TPM4: variants seen among roughly 807,000 people sequenced by gnomAD.
TPM4 encodes tropomyosin 4.
A neutral mutation model predicts 35.8 loss-of-function variants in TPM4; 17 were observed. That is an observed-to-expected ratio of 0.47 (90% confidence interval 0.32 to 0.71). The LOEUF is 0.71. TPM4 is among the 30% of genes least tolerant of loss of function. TPM4 has a pLI of 0.03. For missense variants in TPM4, 240 were observed against 320.9 expected, an observed-to-expected ratio of 0.75 and a Z score of 1.93; for synonymous variants, 120 against 122.9, an observed-to-expected ratio of 0.98 and a Z score of 0.15.
chr19:16,084,613 T>C (rs2144935934), intron 2 of TPM4, among the ~76,000 whole-genome samples: 1 of 152,350 alleles, frequency 6.6e-6, no homozygotes, highest in Middle Eastern at 3.4e-3. Flanking sequence ...TAAAGACTGC[T>C]GTGTCTCAGT....
chr19:16,077,571 A>C lies in TPM4; in HGVS notation c.132+874A>C, dbSNP rs560544313. Among the ~76,000 whole-genome samples, 47 of 152,288 alleles carry C rather than the reference A, an allele frequency of 3.1e-4. No homozygotes were observed. In the South Asian group the frequency reaches 3.7e-3, roughly 12 times the overall value. The stretch of plus-strand genomic sequence containing the variant: ...GGTGGCACCGCCAGGGTCTGGGGAC[A>C]GATTTGGATTCTGGTCCCATATCAT... On this transcript the variant is annotated intron_variant, in intron 1 of 7. Coordinates refer to ENST00000643579, the MANE Select transcript of TPM4 (RefSeq NM_003290.3).
intron 2 of TPM4, among the ~76,000 whole-genome samples, chr19:16,069,420 GGTGT>G (rs1391412534): frequency 6.0e-4 from 1 of 1,668 alleles, no homozygotes; most frequent in Non-Finnish European, 1.4e-3. Context: ...TGTTTCTGTT[GGTGT>G]GTATGTGTGT....
chr19:16,088,379 C>T, intron 4 of TPM4: 1 of 1,273,162 alleles, frequency 7.9e-7, no homozygotes, highest in Non-Finnish European at 1.0e-6. Context: ...TCCCATTTTC[C>T]CAGAGAGGAT....
chr19:16,079,556 G>A (rs2144924956), intron 1 of TPM4, among the ~76,000 whole-genome samples: 1 of 152,322 alleles, frequency 6.6e-6, no homozygotes, highest in African/African-American at 2.4e-5. Context: ...CGAAACACCT[G>A]TGGGAGTGCC....
At position 16,081,896 on chromosome 19, in the gene TPM4, A is replaced by G. The variant is rs1289220184; in HGVS notation, c.133-17A>G. The G allele has an allele frequency of 2.5e-6, 4 of 1,574,982 alleles. No homozygotes were observed. The East Asian group carries it at 9.1e-5, about 36-fold the overall frequency. ...GCCTGATACTTCTTAACATGGCTGC[A>G]CCTCCGACCTCCCCAGGCTGAAGGT... On this transcript the variant is annotated splice_polypyrimidine_tract_variant and intron_variant, in intron 1 of 7. Transcript: ENST00000643579.
chr19:16,076,804 CT>C, intron 1 of TPM4, 107 bp downstream of exon 1: 1 of 1,265,570 alleles, frequency 7.9e-7, no homozygotes, highest in South Asian at 2.5e-5. Flanking sequence ...CTCGGGCCGC[CT>C]TTTTACGCCC....
chr19:16,071,106 T>C (rs2144908741), intron 2 of TPM4, among the ~76,000 whole-genome samples: 1 of 152,090 alleles, frequency 6.6e-6, no homozygotes, highest in South Asian at 2.1e-4. Flanking sequence ...CCCACTGGAG[T>C]AGACTTGGGC....
At chr19:16,095,596 G>A in intron 7 of TPM4, 1 of 1,011,698 alleles carries the variant, frequency 9.9e-7, no homozygotes, top group East Asian at 6.9e-5. Context: ...CACAAAGTGG[G>A]TGGTTAGCCT....
rs2090413146 is a variant in TPM4 at position 16,076,796 on chromosome 19, C to G, written c.132+99C>G. On this transcript the variant is annotated intron_variant, in intron 1 of 7. Coordinates refer to ENST00000643579, the MANE Select transcript of TPM4 (RefSeq NM_003290.3). ...GCGCTGCCCGCCCGCGCGCAGTCCT[C>G]GGGCCGCCTTTTTACGCCCTCGGAC... The G allele has an allele frequency of 3.9e-6, 5 of 1,269,274 alleles. No homozygotes were observed. In the South Asian group the frequency reaches 1.2e-4, roughly 31 times the overall value. The allele number at this position is 1,269,274 out of a possible 1,614,324, so 78.6% of individuals were successfully genotyped here. A position where few individuals can be genotyped will look rare whatever the true frequency, so the allele number is the denominator to read the frequency against.
At chr19:16,083,793 C>G (rs115162960) in intron 2 of TPM4, among the ~76,000 whole-genome samples, 1 of 140,296 alleles carries the variant, frequency 7.1e-6, no homozygotes, top group Non-Finnish European at 1.5e-5. Flanking sequence ...GGGTCTTACT[C>G]TATCACCCAG....
chr19:16,069,026 GCTGA>G (rs567152802), intron 2 of TPM4, among the ~76,000 whole-genome samples: 33 of 152,164 alleles, frequency 2.2e-4, no homozygotes, highest in African/African-American at 5.5e-4. Flanking sequence ...AGCGGGACAG[GCTGA>G]CTGTGTGTGT....
At chr19:16,090,771 G>A (rs572413151) in intron 5 of TPM4, among the ~76,000 whole-genome samples, 1 of 150,830 alleles carries the variant, frequency 6.6e-6, no homozygotes, top group Non-Finnish European at 1.5e-5. Context: ...GTTCAGAGTT[G>A]TGTCCCTAGT....
At chr19:16,081,743 C>A in intron 1 of TPM4, 170 bp from the exon 2 acceptor site, 1 of 836,208 alleles carries the variant, frequency 1.2e-6, no homozygotes, top group East Asian at 2.8e-5. Flanking sequence ...AGACATTTTC[C>A]GGGAAGATCA....
At chr19:16,094,535 C>CAA (rs75791596) in intron 7 of TPM4, among the ~76,000 whole-genome samples, 6 of 133,054 alleles carry the variant, frequency 4.5e-5, no homozygotes, top group Admixed American at 2.3e-4. Flanking sequence ...GACTCCGTCT[C>CAA]AAAAAAAAAA....
intron 2 of TPM4, among the ~76,000 whole-genome samples, chr19:16,086,068 C>CAAA (rs562934017): frequency 8.9e-5 from 7 of 79,088 alleles, no homozygotes; most frequent in Admixed American, 1.5e-4. Flanking sequence ...GACTCCATCT[C>CAAA]AAAAAAAAAA....
chr19:16,096,936 CTT>C (rs71178641), intron 7 of TPM4, among the ~76,000 whole-genome samples: 43 of 69,034 alleles, frequency 6.2e-4, no homozygotes, highest in South Asian at 3.1e-3. Flanking sequence ...CAAGGTCACT[CTT>C]TTTTTTTTTT....
chr19:16,076,389 G>A (rs2090405395), upstream of TPM4: 1 of 1,389,522 alleles, frequency 7.2e-7, no homozygotes, highest in African/African-American at 1.5e-5. Context: ...GACGTCGGCG[G>A]TCCGGCCGGG....
At position 16,088,026 on chromosome 19, in the gene TPM4, G is replaced by A; in HGVS notation, c.385-1G>A. On this transcript the variant is annotated splice_acceptor_variant, in intron 3 of 7. Transcript: ENST00000643579. LOFTEE classifies it high-confidence loss of function. The stretch of plus-strand genomic sequence containing the variant: ...TCAGCTGGGCCTTTCTGTCTCTGCA[G>A]GTAGCTCGTAAGCTGGTCATCCTGG... 1 of 1,610,364 alleles carries A rather than the reference G, an allele frequency of 6.2e-7. No homozygotes were observed. The highest frequency in any genetic ancestry group is 8.5e-7 in the Non-Finnish European group (1 of 1,178,890).
rs1186190982 is a variant in TPM4 at position 16,101,281 on chromosome 19, A to G, written c.682A>G (p.Lys228Glu). 1.2e-6 allele frequency: 2 copies of G among 1,607,660 alleles called. No individual in the cohort carries two copies. The highest frequency in any genetic ancestry group is 1.7e-6 in the Non-Finnish European group (2 of 1,177,226). ...CTCACCAGAGAAACTTGCCCAGGCCAAAGAAGAGAACGTGGGCTTACATCA... is the reference window on the plus strand; with the variant it reads ...CTCACCAGAGAAACTTGCCCAGGCCGAAGAAGAGAACGTGGGCTTACATCA... ...DDLEEKLAQA[K>E]EENVGLHQTL... The change falls in exon 8 of 8, where the codon AAA (lysine) becomes GAA (glutamate). Residue 228 changes from lysine to glutamate, a missense_variant. Coordinates refer to ENST00000643579, the MANE Select transcript of TPM4 (RefSeq NM_003290.3).
Sources: allele counts gnomAD v4.1 joint callset (sites outside exome capture counted in the v4.1 genomes callset), GRCh38; gene constraint gnomAD v4.1.1; transcripts MANE v1.5; gene names NCBI Gene and HGNC (gene_info 2026-07-23, HGNC 2026-07-21).